Variants in WDR87 observed in about 807,000 individuals in gnomAD.
WDR87 encodes the protein WD repeat-containing protein 87.
Under a neutral mutation model 83.3 loss-of-function variants are expected in WDR87, and 56 were observed. The observed-to-expected ratio is 0.67, with a 90% CI of 0.54 to 0.84. WDR87 has a LOEUF of 0.84. Ranked by LOEUF, WDR87 falls within the 40% of genes least tolerant of loss-of-function variation. WDR87 has a pLI of 0.00. For synonymous variants in WDR87, 1,173 were observed against 1,250.6 expected (o/e 0.94, Z 1.31); for missense variants, 2,939 against 3,431.9 (o/e 0.86, Z 3.59).
At chr19:37,906,683 T>G (rs1274426157), upstream of WDR87, 1 of 147,296 alleles carries the variant, frequency 6.8e-6, no homozygotes, top group African/African-American at 2.6e-5. Context: ...CGCGTGCGCA[T>G]GGGCGCGCGC....
rs2046220977 is a variant in WDR87, at chr19:37,893,101, C to T, written c.2602G>A (p.Val868Ile). The T allele has an allele frequency of 6.4e-7, 1 of 1,551,638 alleles. No individual in the cohort carries two copies. The highest frequency in any genetic ancestry group is 1.4e-5 in the African/African-American group (1 of 73,060). The change falls in exon 4 of 6, where the codon GTA becomes ATA. Residue 868 changes from valine to isoleucine, a missense_variant. By Grantham distance (29) the Val-to-Ile change is conservative. Transcript: ENST00000447313. ...SQEFFFWHSR[V>I]RAISNTEYPK... is the part of the protein sequence containing the mutation. The stretch of plus-strand genomic sequence containing the variant: ...TATTCTGTATTACTTATAGCTCTTA[C>T]CCTGCTGTGCCAGAAAAAGAATTCT...
intron 1 of WDR87, among the ~76,000 whole-genome samples, chr19:37,904,979 G>A (rs1209230156): frequency 6.6e-6 from 1 of 151,750 alleles, no homozygotes; most frequent in Non-Finnish European, 1.5e-5. Flanking sequence ...GCTCACGCCT[G>A]TAATCCCAGC....
At chr19:37,904,047 C>T (rs569891447) in intron 1 of WDR87, among the ~76,000 whole-genome samples, 1 of 151,224 alleles carries the variant, frequency 6.6e-6, no homozygotes, top group Admixed American at 6.6e-5. Flanking sequence ...TAGCTACAGG[C>T]GCCCGCCACC....
At chr19:37,899,366 C>A (rs1427536444) in intron 1 of WDR87, among the ~76,000 whole-genome samples, 1 of 143,400 alleles carries the variant, frequency 7.0e-6, no homozygotes. Context: ...CTGCAGTAAA[C>A]CGAGATTATA....
At position 37,895,065 on chromosome 19, in the gene WDR87, A is replaced by G. The variant is rs2046242625; in HGVS notation, c.638T>C (p.Leu213Pro). The change falls in exon 4 of 6, where the codon CTG becomes CCG. Residue 213 changes from leucine to proline, a missense_variant. Physicochemically the swap from Leu to Pro is moderately conservative, Grantham distance 98. This residue lies in a region of WDR87 where 226 missense variants were observed against 320.9 expected (regional missense o/e 0.70). Transcript: ENST00000447313. ...LNGPSGSLLA[L>P]CETVVRVLMH... ...AAGGACCCTCACCACCGTCTCACAC[A>G]GGGCCAGGAGGGAGCCACTGGGACC... 2 of 1,551,706 alleles carry G rather than the reference A, an allele frequency of 1.3e-6. No individual in the cohort carries two copies. Among genetic ancestry groups the G allele is most frequent in the African/African-American group, 2.7e-5 (2 of 73,168 alleles).
intron 4 of WDR87, among the ~76,000 whole-genome samples, chr19:37,892,227 TACAA>T (rs1291131926): frequency 1.3e-5 from 2 of 152,190 alleles, no homozygotes; most frequent in Middle Eastern, 3.4e-3. Context: ...ACTCTGTCTC[TACAA>T]ACAATTAGCC....
Position 37,886,629 on chromosome 19 carries a change from T to TCTCCTCAAACACTTCTTC in WDR87, c.7024_7041dup (p.Glu2342_Glu2347dup). ...TCTTCCTCACTCATAATTTCTTCTT[T>TCTCCTCAAACACTTCTTC]CTCCTCAAACACTTCTTCCTTCTCC... On this transcript the variant is annotated inframe_insertion, in exon 6 of 6. Coordinates refer to ENST00000447313, the MANE Select transcript of WDR87 (RefSeq NM_001291088.2). 1 of 1,532,906 alleles carries TCTCCTCAAACACTTCTTC rather than the reference T, an allele frequency of 6.5e-7. No individual in the cohort carries two copies. The highest frequency in any genetic ancestry group is 1.2e-5 in the South Asian group (1 of 80,610). 95.0% of individuals were successfully genotyped at this position (1,532,906 alleles called of 1,614,324 possible).
Position 37,893,719 on chromosome 19 carries a change from G to A in WDR87, c.1984C>T (p.Leu662Phe). The change falls in exon 4 of 6, where the codon CTT becomes TTT. Residue 662 changes from leucine to phenylalanine, a missense_variant. By Grantham distance (22) the Leu-to-Phe change is conservative (BLOSUM62 0). Coordinates refer to ENST00000447313, the MANE Select transcript of WDR87 (RefSeq NM_001291088.2). ...TAAAGACTCTGGTTAAAAGTCACAA[G>A]CAGGTCACCCCGGTCATTTGCAAAA... ...VCFANDRGDL[L>F]VTFNQSLYLV... The A allele has an allele frequency of 6.4e-7, 1 of 1,551,646 alleles. No homozygotes were observed. The highest frequency in any genetic ancestry group is 1.4e-5 in the African/African-American group (1 of 73,170).
upstream of WDR87, chr19:37,906,649 T>C (rs1267332841): frequency 1.4e-4 from 21 of 151,756 alleles, no homozygotes; most frequent in Admixed American, 1.4e-3. Context: ...GCCGGCGGAC[T>C]TCCCGAGGCC....
At chr19:37,896,482 A>G (rs574228161) in intron 2 of WDR87, among the ~76,000 whole-genome samples, 174 bp from the exon 3 acceptor site, 6 of 152,318 alleles carry the variant, frequency 3.9e-5, no homozygotes, top group African/African-American at 1.4e-4. Context: ...ATACTTCACA[A>G]GCATGTAACA....
chr19:37,892,476 G>T (rs547813214), intron 4 of WDR87, 102 bp downstream of exon 4: 2 of 1,143,834 alleles, frequency 1.7e-6, no homozygotes, highest in African/African-American at 1.6e-5. Flanking sequence ...TGAGAAAGAA[G>T]AAACATCAGG....
Position 37,898,189 on chromosome 19 carries a change from TAGG to T in WDR87, c.48_50del (p.Leu17del). 2 of 1,551,748 alleles carry T rather than the reference TAGG, an allele frequency of 1.3e-6. No homozygotes were observed. The highest frequency in any genetic ancestry group is 1.2e-5 in the South Asian group (1 of 84,060). ...CCTTGCTTTTATTTATGGTGTCATT[TAGG>T]AGGAGTTTTAAATCTTTCCACAGGG... On this transcript the variant is annotated inframe_deletion, in exon 2 of 6. Transcript: ENST00000447313.
At chr19:37,900,711 C>T (rs559406405) in intron 1 of WDR87, among the ~76,000 whole-genome samples, 1 of 152,138 alleles carries the variant, frequency 6.6e-6, no homozygotes, top group East Asian at 1.9e-4. Context: ...GCAGCACACA[C>T]CATCCTGTCT....
chr19:37,887,704 G>A lies in WDR87; in HGVS notation c.5967C>T (p.Leu1989=). ...EKAMVQGKKR[L]RGELDIAKEE... is the part of the protein sequence containing the mutation. ...CCTTAGCAATATCCAACTCTCCTCT[G>A]AGCCGTTTCTTTCCTTGGACCATTG... Residue 1989 remains leucine, a synonymous_variant, in exon 6 of 6, where the codon CTC becomes CTT. Transcript: ENST00000447313. 6.4e-7 allele frequency: 1 copy of A among 1,552,212 alleles called. No homozygotes were observed. Among genetic ancestry groups the A allele is most frequent in the Non-Finnish European group, 8.7e-7 (1 of 1,147,124 alleles).
rs1159192645 is a variant in WDR87, at chr19:37,885,616, G to A, written c.8055C>T (p.Tyr2685=). 2 of 1,551,756 alleles carry A rather than the reference G, an allele frequency of 1.3e-6. No individual in the cohort carries two copies. The highest frequency in any genetic ancestry group is 1.4e-5 in the African/African-American group (1 of 73,176). The change falls in exon 6 of 6, where the codon TAC becomes TAT. Residue 2685 remains tyrosine, a synonymous_variant. Transcript: ENST00000447313. Reference sequence around the variant, plus strand: ...ATATCTGCTGTGCCCTCTCACTTCTGTAAGGTTCTCCTAGAAGATGCCAAT... The same window carrying A: ...ATATCTGCTGTGCCCTCTCACTTCTATAAGGTTCTCCTAGAAGATGCCAAT... ...AKNWHLLGEP[Y]RSERAQQISI...
rs1468993750 is a variant in WDR87, at chr19:37,886,291, T to C, written c.7380A>G (p.Thr2460=). 1 of 1,551,738 alleles carries C rather than the reference T, an allele frequency of 6.4e-7. No homozygotes were observed. The highest frequency in any genetic ancestry group is 2.0e-5 in the Admixed American group (1 of 51,004). ...AGAATTTCCTGGGTATTTCAACTAC[T>C]GTGGCCTTTTTATCTTCCCAGGATA... The part of the protein sequence containing the change: ...KQISWEDKKA[T]VVEIPRKFLG... The change falls in exon 6 of 6, where the codon ACA becomes ACG. Residue 2460 remains threonine, a synonymous_variant. Transcript: ENST00000447313.
intron 2 of WDR87, among the ~76,000 whole-genome samples, chr19:37,897,458 C>T (rs573598979): frequency 1.3e-5 from 2 of 151,964 alleles, no homozygotes; most frequent in South Asian, 4.2e-4. Context: ...GATCTGCCTA[C>T]CTCGCCCTGG....
chr19:37,889,932 G>C lies in WDR87; in HGVS notation c.3739C>G (p.Pro1247Ala). Residue 1247 changes from proline (P) to alanine (A), a missense_variant, in exon 6 of 6, where the codon CCT becomes GCT. Coordinates refer to ENST00000447313, the MANE Select transcript of WDR87 (RefSeq NM_001291088.2). Reference sequence around the variant, plus strand: ...GTAACTGGCTGTTCCATTACAGGAGGTGTAGTTTCCTCATTTATAACTTTG... The same window carrying C: ...GTAACTGGCTGTTCCATTACAGGAGCTGTAGTTTCCTCATTTATAACTTTG... ...EAKVINEETT[P>A]PVMEQPVTKK... 1 of 1,551,688 alleles carries C rather than the reference G, an allele frequency of 6.4e-7. No homozygotes were observed. Among genetic ancestry groups the C allele is most frequent in the African/African-American group, 1.4e-5 (1 of 73,144 alleles).
chr19:37,884,983 A>C lies in WDR87; in HGVS notation c.8688T>G (p.Ala2896=), dbSNP rs1214426245. ...TCAGTGCCTTGGTGAGATGAAGATCAGCTTCAGGCAGGCTCTTCCAGGCAA... is the reference window on the plus strand; with the variant it reads ...TCAGTGCCTTGGTGAGATGAAGATCCGCTTCAGGCAGGCTCTTCCAGGCAA... ...LELAWKSLPE[A]DLHLTKALTH... Residue 2896 remains alanine (A), a synonymous_variant, in exon 6 of 6, where the codon GCT becomes GCG. Transcript: ENST00000447313. The C allele has an allele frequency of 7.2e-7, 1 of 1,386,392 alleles. No homozygotes were observed. The highest frequency in any genetic ancestry group is 3.3e-5 in the Admixed American group (1 of 30,750). 85.9% of individuals were successfully genotyped at this position (1,386,392 alleles called of 1,614,324 possible). A position where few individuals can be genotyped will look rare whatever the true frequency, so the allele number is the denominator to read the frequency against.
Sources: gnomAD v4.1 joint callset for allele counts (sites outside exome capture counted in the v4.1 genomes callset) on GRCh38, gnomAD v4.1.1 for gene constraint, gnomAD v4.1.1 regional missense constraint, MANE v1.5 for transcripts, NCBI Gene and HGNC (gene_info 2026-07-23, HGNC 2026-07-21) for gene names.